The following FCHSD2 variants were observed in gnomAD, a reference collection of about 807,000 sequenced individuals.
FCHSD2 encodes the protein F-BAR and double SH3 domains protein 2.
A neutral mutation model predicts 108.1 loss-of-function variants in FCHSD2; 38 were observed. That is an observed-to-expected ratio of 0.35 (90% CI 0.27 to 0.46). The LOEUF (loss-of-function observed/expected upper bound fraction) is 0.46. Among genes scored for constraint, FCHSD2 ranks in the 20% least tolerant of loss-of-function variants. The pLI is 1.00. For synonymous variants in FCHSD2, 279 were observed against 314.7 expected, an observed-to-expected ratio of 0.89 and a Z score of 1.20; for missense variants, 751 against 897.8, an observed-to-expected ratio of 0.84 and a Z score of 2.09.
intron 12 of FCHSD2, among the ~76,000 whole-genome samples, chr11:72,885,856 G>T (rs548813860): frequency 6.6e-6 from 1 of 152,240 alleles, no homozygotes; most frequent in Non-Finnish European, 1.5e-5. Flanking sequence ...ACTATTCATT[G>T]TACACCCTGC....
chr11:73,042,617 G>C (rs1858668372), intron 3 of FCHSD2, among the ~76,000 whole-genome samples: 1 of 152,120 alleles, frequency 6.6e-6, no homozygotes, highest in Non-Finnish European at 1.5e-5. Context: ...TCTTGATAGA[G>C]ACTGCATTGA....
At chr11:73,093,779 A>G (rs570105252) in intron 2 of FCHSD2, among the ~76,000 whole-genome samples, 1 of 151,972 alleles carries the variant, frequency 6.6e-6, no homozygotes, top group African/African-American at 2.4e-5. Context: ...TTTTTTTTGT[A>G]TTTTTAGTAG....
intron 8 of FCHSD2, among the ~76,000 whole-genome samples, chr11:72,924,766 G>C (rs1205022545): frequency 6.7e-6 from 1 of 150,010 alleles, no homozygotes; most frequent in Non-Finnish European, 1.5e-5. Flanking sequence ...TACACCACTA[G>C]ATGACACCAT....
chr11:73,041,477 A>G (rs1295937351), intron 3 of FCHSD2, among the ~76,000 whole-genome samples: 1 of 152,080 alleles, frequency 6.6e-6, no homozygotes, highest in Non-Finnish European at 1.5e-5. Context: ...TTCCCTGATG[A>G]TTAGTGATGC....
At chr11:73,079,382 T>C (rs1591536808) in intron 3 of FCHSD2, among the ~76,000 whole-genome samples, 1 of 151,938 alleles carries the variant, frequency 6.6e-6, no homozygotes, top group East Asian at 1.9e-4. Flanking sequence ...GTATTTTTAG[T>C]AGAGACGGGG....
intron 9 of FCHSD2, among the ~76,000 whole-genome samples, chr11:72,909,693 T>C (rs1008923498): frequency 1.4e-5 from 2 of 145,622 alleles, no homozygotes; most frequent in Non-Finnish European, 3.0e-5. Context: ...GGCCGCCCCG[T>C]CTGGGATGTG....
At chr11:72,856,651 G>C (rs1459301663) in intron 13 of FCHSD2, among the ~76,000 whole-genome samples, 1 of 152,178 alleles carries the variant, frequency 6.6e-6, no homozygotes, top group Admixed American at 6.5e-5. Context: ...CTCCACAGCT[G>C]AGTGAGGAAA....
chr11:72,947,105 G>T (rs1335715832), intron 8 of FCHSD2, among the ~76,000 whole-genome samples: 1 of 152,236 alleles, frequency 6.6e-6, no homozygotes, highest in Non-Finnish European at 1.5e-5. Flanking sequence ...TGGTTTAACA[G>T]CTGCATGCCC....
At chr11:72,867,769 T>C in intron 13 of FCHSD2, 96 bp downstream of exon 13, 1 of 1,058,638 alleles carries the variant, frequency 9.4e-7, no homozygotes, top group Non-Finnish European at 1.4e-6. Context: ...AACTATTATC[T>C]TTTTAAAAAA....
At chr11:73,031,978 C>A (rs993265923) in intron 3 of FCHSD2, among the ~76,000 whole-genome samples, 1 of 151,842 alleles carries the variant, frequency 6.6e-6, no homozygotes, top group Non-Finnish European at 1.5e-5. Context: ...AAATTAATAT[C>A]CACCAAGAGG....
chr11:73,082,199 T>G (rs1426179368), intron 3 of FCHSD2, among the ~76,000 whole-genome samples: 1 of 151,148 alleles, frequency 6.6e-6, no homozygotes, highest in Non-Finnish European at 1.5e-5. Context: ...TAGCTGGGCG[T>G]GATGGCGTGT....
chr11:73,073,334 C>T (rs920221325), intron 3 of FCHSD2, among the ~76,000 whole-genome samples: 1 of 152,164 alleles, frequency 6.6e-6, no homozygotes, highest in African/African-American at 2.4e-5. Context: ...CTTCACAAAC[C>T]ATACTTAAAA....
intron 3 of FCHSD2, among the ~76,000 whole-genome samples, chr11:73,036,016 G>A (rs530854343): frequency 3.3e-5 from 5 of 152,100 alleles, no homozygotes; most frequent in South Asian, 4.1e-4. Context: ...ACCACTCCTC[G>A]CCCAGTTTTT....
At position 72,996,235 on chromosome 11, in the gene FCHSD2, A is replaced by G. The variant is rs367786674; in HGVS notation, c.387+4755T>C. Among the ~76,000 whole-genome samples the G allele has an allele frequency of 1.4e-4, 21 of 152,324 alleles. No individual in the cohort carries two copies. In the East Asian group the frequency reaches 3.7e-3, roughly 27 times the overall value. On this transcript the variant is annotated intron_variant, in intron 5 of 19. Transcript: ENST00000409418. ...TCAAGTTCCCACTCTGTTATTTACT[A>G]CCTAAGTCTCTTTAACATTTTTAGC...
chr11:72,848,940 A>G (rs887591243), intron 14 of FCHSD2, among the ~76,000 whole-genome samples: 11 of 152,246 alleles, frequency 7.2e-5, no homozygotes, highest in African/African-American at 2.7e-4. Flanking sequence ...ACATTGGAAA[A>G]AAATGCTAAC....
intron 8 of FCHSD2, among the ~76,000 whole-genome samples, chr11:72,963,601 G>A (rs941338313): frequency 1.3e-5 from 2 of 152,306 alleles, no homozygotes; most frequent in Admixed American, 6.5e-5. Flanking sequence ...GACCAGTTTC[G>A]TGGAAGATAA....
chr11:72,940,899 C>G, intron 8 of FCHSD2: 1 of 868,178 alleles, frequency 1.2e-6, no homozygotes, highest in South Asian at 1.3e-5. Flanking sequence ...AGGTTATCCT[C>G]ATTGATCCAT....
intron 5 of FCHSD2, 21 bp downstream of exon 5, chr11:73,000,969 G>T: frequency 6.3e-7 from 1 of 1,581,712 alleles, no homozygotes; most frequent in Non-Finnish European, 8.6e-7. Flanking sequence ...ATGCATATAA[G>T]AACAGAAATA....
At chr11:72,978,519 G>A (rs2135392445) in intron 8 of FCHSD2, among the ~76,000 whole-genome samples, 1 of 152,234 alleles carries the variant, frequency 6.6e-6, no homozygotes, top group African/African-American at 2.4e-5. Context: ...AAAGACAGGT[G>A]ATATGTTTGG....
Sources: gnomAD v4.1 joint callset for allele counts (sites outside exome capture counted in the v4.1 genomes callset) on GRCh38, gnomAD v4.1.1 for gene constraint, MANE v1.5 for transcripts, NCBI Gene and HGNC (gene_info 2026-07-23, HGNC 2026-07-21) for gene names.